Variants in DKK2 observed in about 807,000 individuals in gnomAD.
DKK2 encodes dickkopf Wnt signaling pathway inhibitor 2.
A neutral mutation model predicts 28.1 loss-of-function variants in DKK2; 11 were observed. The observed-to-expected ratio is 0.39, with a 90% CI of 0.25 to 0.65. The LOEUF (loss-of-function observed/expected upper bound fraction) is 0.65, where lower values mean the gene tolerates loss of function less well. Ranked by LOEUF, DKK2 falls within the 30% of genes least tolerant of loss-of-function variation. The pLI, the probability that DKK2 is intolerant of heterozygous loss-of-function variation, is 0.47. For missense variants in DKK2, 326 were observed against 335.5 expected (o/e 0.97, Z 0.22); for synonymous variants, 135 against 126.5 (o/e 1.07, Z -0.45).
At chr4:106,926,774 T>TA (rs1003429061) in intron 1 of DKK2, among the ~76,000 whole-genome samples, 6 of 151,216 alleles carry the variant, frequency 4.0e-5, no homozygotes, top group East Asian at 3.9e-4. Context: ...TATATTATCT[T>TA]AAAAAAAAAT....
intron 1 of DKK2, among the ~76,000 whole-genome samples, chr4:107,001,210 A>C (rs1395398035): frequency 6.6e-6 from 1 of 152,186 alleles, no homozygotes; most frequent in Non-Finnish European, 1.5e-5. Context: ...TAATCTCAAG[A>C]ATTGCTCACA....
intron 1 of DKK2, among the ~76,000 whole-genome samples, chr4:107,000,955 T>C (rs1723351043): frequency 6.6e-6 from 1 of 151,996 alleles, no homozygotes; most frequent in African/African-American, 2.4e-5. Flanking sequence ...TTCATAGACT[T>C]GAGGCTTCCT....
chr4:106,987,409 C>T (rs1048296306), intron 1 of DKK2, among the ~76,000 whole-genome samples: 1 of 152,182 alleles, frequency 6.6e-6, no homozygotes, highest in Non-Finnish European at 1.5e-5. Flanking sequence ...ACTTCAATTT[C>T]TCTTGCTTGT....
At chr4:106,957,103 G>T (rs1295490139) in intron 1 of DKK2, among the ~76,000 whole-genome samples, 1 of 152,128 alleles carries the variant, frequency 6.6e-6, no homozygotes, top group East Asian at 1.9e-4. Flanking sequence ...GACATGAACA[G>T]ACACGTCTCA....
intron 1 of DKK2, among the ~76,000 whole-genome samples, chr4:107,005,270 G>A (rs2110366697): frequency 6.6e-6 from 1 of 150,982 alleles, no homozygotes; most frequent in African/African-American, 2.4e-5. Context: ...GAACCCGGGA[G>A]GCGGAGCTTG....
chr4:106,959,659 C>T (rs1318504460), intron 1 of DKK2, among the ~76,000 whole-genome samples: 2 of 151,836 alleles, frequency 1.3e-5, no homozygotes, highest in African/African-American at 2.4e-5. Flanking sequence ...TAAACAAATC[C>T]ATAACAATAT....
chr4:106,986,396 T>C (rs1723121347), intron 1 of DKK2, among the ~76,000 whole-genome samples: 1 of 152,200 alleles, frequency 6.6e-6, no homozygotes, highest in Non-Finnish European at 1.5e-5. Context: ...ATGGAAGTCA[T>C]TGTCTGTTGT....
intron 1 of DKK2, among the ~76,000 whole-genome samples, chr4:106,984,544 A>G (rs188184649): frequency 1.5e-3 from 223 of 152,314 alleles, no homozygotes; most frequent in Middle Eastern, 3.4e-3. Context: ...GAATAATCTT[A>G]TATTGTATGT....
chr4:106,932,529 G>A (rs1321911496), intron 1 of DKK2, among the ~76,000 whole-genome samples: 1 of 152,094 alleles, frequency 6.6e-6, no homozygotes, highest in African/African-American at 2.4e-5. Flanking sequence ...TATGGTCTCA[G>A]CTCCTAGAGA....
At chr4:106,960,600 C>T (rs1722672529) in intron 1 of DKK2, among the ~76,000 whole-genome samples, 1 of 152,088 alleles carries the variant, frequency 6.6e-6, no homozygotes, top group Non-Finnish European at 1.5e-5. Flanking sequence ...AAAAGATATC[C>T]ATTTTGTCAA....
chr4:106,925,989 A>T, intron 1 of DKK2, 40 bp from the exon 2 acceptor site: 1 of 1,562,526 alleles, frequency 6.4e-7, no homozygotes. Context: ...AAAGGATTAG[A>T]TCGTGTTTCA....
intron 1 of DKK2, among the ~76,000 whole-genome samples, chr4:106,989,012 A>G (rs1560587052): frequency 6.6e-6 from 1 of 152,156 alleles, no homozygotes; most frequent in South Asian, 2.1e-4. Flanking sequence ...AAACTGGCCT[A>G]ATGCCACCAA....
chr4:107,033,060 T>C (rs1006649267), intron 1 of DKK2, among the ~76,000 whole-genome samples: 1 of 151,852 alleles, frequency 6.6e-6, no homozygotes, highest in Non-Finnish European at 1.5e-5. Context: ...ACTATTTGTT[T>C]CTTCATAACA....
At chr4:106,999,788 A>AT (rs1402975324) in intron 1 of DKK2, among the ~76,000 whole-genome samples, 8 of 152,242 alleles carry the variant, frequency 5.3e-5, no homozygotes, top group East Asian at 1.9e-4. Context: ...AAATTTTTGT[A>AT]TTTTTTCTCG....
chr4:106,996,095 T>C (rs1485913072), intron 1 of DKK2, among the ~76,000 whole-genome samples: 1 of 152,174 alleles, frequency 6.6e-6, no homozygotes, highest in South Asian at 2.1e-4. Flanking sequence ...AAAGTCTACA[T>C]TGCAAGCCTT....
chr4:107,010,670 T>A (rs1723504434), intron 1 of DKK2, among the ~76,000 whole-genome samples: 1 of 151,604 alleles, frequency 6.6e-6, no homozygotes, highest in African/African-American at 2.4e-5. Flanking sequence ...CCTGAAAATT[T>A]TTATTTACTT....
At chr4:107,025,117 G>C (rs932744210) in intron 1 of DKK2, among the ~76,000 whole-genome samples, 5 of 152,144 alleles carry the variant, frequency 3.3e-5, no homozygotes, top group Non-Finnish European at 4.4e-5. Flanking sequence ...GGTTGAAGAA[G>C]GGAAACTGAG....
At chr4:107,033,272 A>G (rs1024069475) in intron 1 of DKK2, among the ~76,000 whole-genome samples, 1 of 152,228 alleles carries the variant, frequency 6.6e-6, no homozygotes, top group Non-Finnish European at 1.5e-5. Flanking sequence ...AATATATTCC[A>G]TAGAACTGCT....
chr4:107,005,571 T>C (rs1338523809), intron 1 of DKK2, among the ~76,000 whole-genome samples: 1 of 152,130 alleles, frequency 6.6e-6, no homozygotes, highest in African/African-American at 2.4e-5. Flanking sequence ...GACATCATTA[T>C]ATTCTTTCTT....
Sources: allele counts gnomAD v4.1 joint callset (sites outside exome capture counted in the v4.1 genomes callset), GRCh38; gene constraint gnomAD v4.1.1; transcripts MANE v1.5; gene names NCBI Gene and HGNC (gene_info 2026-07-23, HGNC 2026-07-21).